ARHGAP39: variants seen among roughly 807,000 people sequenced by gnomAD.
The protein encoded by ARHGAP39 is rho GTPase-activating protein 39.
In ARHGAP39, 44 loss-of-function variants were observed where a neutral mutation model predicts 106.9. The ratio of observed to expected loss-of-function variants is 0.41; its 90% CI spans 0.32 to 0.53. The LOEUF is 0.53. Among genes scored for constraint, ARHGAP39 ranks in the 20% least tolerant of loss-of-function variants. ARHGAP39 has a pLI of 0.21. For synonymous variants in ARHGAP39, 768 were observed against 693.2 expected (o/e 1.11, Z -1.69); for missense variants, 1,496 against 1,577.3 (o/e 0.95, Z 0.87).
chr8:144,647,465 A>G lies in ARHGAP39; in HGVS notation c.-82+38221T>C, dbSNP rs1436818548. On this transcript the variant is annotated intron_variant, in intron 1 of 11. Transcript: ENST00000377307. The surrounding 1 kb of genome is among the most constrained non-coding windows in gnomAD (Gnocchi z 4.8). The stretch of plus-strand genomic sequence containing the variant: ...CTGTGCTCACAATGTCCATGGCCCC[A>G]GAACATTCCCACAAGGAAAGGCTAT... Among the ~76,000 whole-genome samples, 1 of 152,254 alleles carries G rather than the reference A, an allele frequency of 6.6e-6. No individual in the cohort carries two copies. Among genetic ancestry groups the G allele is most frequent in the Admixed American group, 6.5e-5 (1 of 15,284 alleles).
At chr8:144,554,566 G>C (rs576911851) in intron 4 of ARHGAP39, among the ~76,000 whole-genome samples, 1 of 152,302 alleles carries the variant, frequency 6.6e-6, no homozygotes, top group African/African-American at 2.4e-5. Flanking sequence ...CACATGCTGG[G>C]TCCACAGGAA....
In ARHGAP39 at chr8:144,641,295, A is replaced by T. The variant is rs143541445; in HGVS notation, c.-81-35600T>A. ...GGAAAGGAGAGGCAGACGCTATTAA[A>T]TTCTTTATGGAATGAAAATTAACTC... On this transcript the variant is annotated intron_variant, in intron 1 of 11. Coordinates refer to ENST00000377307, the MANE Select transcript of ARHGAP39 (RefSeq NM_025251.3). This position sits in a 1 kb window ranked among gnomAD's most constrained non-coding sequence, Gnocchi z 5.2. Among the ~76,000 whole-genome samples the T allele has an allele frequency of 1.1e-3, 165 of 152,156 alleles. No homozygotes were observed. Among genetic ancestry groups the T allele is most frequent in the African/African-American group, 3.8e-3 (158 of 41,532 alleles).
chr8:144,693,638 G>A, the ARHGAP39 span, among the ~76,000 whole-genome samples: 1 of 152,186 alleles, frequency 6.6e-6, no homozygotes, highest in Non-Finnish European at 1.5e-5. Flanking sequence ...CTCCCAGAGT[G>A]CTGGGATTAC....
chr8:144,629,037 C>T (rs757512403), intron 1 of ARHGAP39, among the ~76,000 whole-genome samples: 15 of 152,224 alleles, frequency 9.9e-5, no homozygotes, highest in Admixed American at 2.0e-4. Context: ...CCTCCCTCCC[C>T]CAAAGGTGTT....
chr8:144,686,886 TGGCGGCG>T (rs1483683005), upstream of ARHGAP39, among the ~76,000 whole-genome samples: 4,551 of 147,910 alleles, frequency 0.031, 1,435 homozygotes, highest in African/African-American at 0.036. Flanking sequence ...GACAACACAC[TGGCGGCG>T]AGCACTTCCC....
At chr8:144,532,226 C>G in intron 10 of ARHGAP39, 79 bp downstream of exon 10, 3 of 1,262,390 alleles carry the variant, frequency 2.4e-6, no homozygotes, top group Non-Finnish European at 1.1e-6. Flanking sequence ...AGGGTGGACC[C>G]CAGAGGCGGA....
intron 3 of ARHGAP39, among the ~76,000 whole-genome samples, chr8:144,577,269 C>T (rs538749417): frequency 4.6e-5 from 7 of 152,250 alleles, no homozygotes; most frequent in South Asian, 2.1e-4. Context: ...CCGGAATACA[C>T]GCTCAGGGCC....
chr8:144,632,367 C>T (rs540880056), intron 1 of ARHGAP39, among the ~76,000 whole-genome samples: 18 of 152,320 alleles, frequency 1.2e-4, no homozygotes, highest in Admixed American at 6.5e-4. Context: ...AGCCTGCAGC[C>T]CCTCTTCCAG....
chr8:144,571,985 A>C (rs2130885398), intron 3 of ARHGAP39, among the ~76,000 whole-genome samples: 1 of 152,366 alleles, frequency 6.6e-6, no homozygotes, highest in Admixed American at 6.5e-5. Context: ...ATAAGAGGAC[A>C]CAAACAAATG....
chr8:144,622,350 C>A (rs962609871), intron 1 of ARHGAP39, among the ~76,000 whole-genome samples: 1 of 152,040 alleles, frequency 6.6e-6, no homozygotes, highest in Non-Finnish European at 1.5e-5. Context: ...ACCCCCATGG[C>A]CATGTCAGCA....
At chr8:144,696,306 T>C in the ARHGAP39 span, among the ~76,000 whole-genome samples, 1 of 147,088 alleles carries the variant, frequency 6.8e-6, no homozygotes, top group Non-Finnish European at 1.5e-5. Flanking sequence ...ACTTGGTTAA[T>C]TTTTGTATGT....
Position 144,533,205 on chromosome 8 carries a change from G to A in ARHGAP39, c.2809C>T (p.Arg937Cys), listed in dbSNP as rs1816800917. Residue 937 changes from arginine (R) to cysteine (C), a missense_variant, in exon 9 of 12, where the codon CGC (arginine) becomes TGC (cysteine). Physicochemically the swap from Arg to Cys is radical, Grantham distance 180. Around this residue, in one of 4 missense-constraint regions of ARHGAP39, gnomAD observed 470 missense variants for 605.1 expected, o/e 0.78. Coordinates refer to ENST00000377307, the MANE Select transcript of ARHGAP39 (RefSeq NM_025251.3). Reference protein sequence around the residue: ...MGMQRERYPERQLPWVQTRLS... With the variant: ...MGMQRERYPECQLPWVQTRLS... ...CGTGTCTGCACCCAGGGCAGCTGGC[G>A]CTCGGGGTAGCGCTCTCTCTGCATG... 1 of 1,612,688 alleles carries A rather than the reference G, an allele frequency of 6.2e-7. No individual in the cohort carries two copies. The highest frequency in any genetic ancestry group is 2.2e-5 in the East Asian group (1 of 44,878).
At chr8:144,583,658 T>C (rs1819082971) in intron 2 of ARHGAP39, among the ~76,000 whole-genome samples, 3 of 152,256 alleles carry the variant, frequency 2.0e-5, no homozygotes, top group Admixed American at 2.0e-4. Flanking sequence ...CCTTGCTGGC[T>C]GGAATTCTAT....
chr8:144,658,857 TA>T (rs1182421754), intron 1 of ARHGAP39, among the ~76,000 whole-genome samples: 7 of 152,160 alleles, frequency 4.6e-5, no homozygotes, highest in African/African-American at 1.7e-4. Flanking sequence ...AAACATTAAA[TA>T]TTAATGTTTA....
At chr8:144,538,224 C>T (rs1817044660) in intron 6 of ARHGAP39, among the ~76,000 whole-genome samples, 1 of 152,254 alleles carries the variant, frequency 6.6e-6, no homozygotes, top group Non-Finnish European at 1.5e-5. Flanking sequence ...GCGAAGGCAG[C>T]TGGCCCCAAG....
chr8:144,632,791 C>G (rs1015709465), intron 1 of ARHGAP39, among the ~76,000 whole-genome samples: 1 of 152,232 alleles, frequency 6.6e-6, no homozygotes, highest in Non-Finnish European at 1.5e-5. Context: ...CCTAATTTCT[C>G]ACAAACCCAA....
chr8:144,620,978 C>A (rs998555415), intron 1 of ARHGAP39, among the ~76,000 whole-genome samples: 1 of 152,276 alleles, frequency 6.6e-6, no homozygotes, highest in African/African-American at 2.4e-5. Context: ...TTGGCAGCCC[C>A]GCTGTCACCA....
At chr8:144,700,133 ACT>A in the ARHGAP39 span, among the ~76,000 whole-genome samples, 2 of 151,172 alleles carry the variant, frequency 1.3e-5, no homozygotes, top group East Asian at 1.9e-4. The surrounding 1 kb of genome is among the most constrained non-coding windows in gnomAD (Gnocchi z 5.6). Flanking sequence ...AACGTTCCAG[ACT>A]CTCGCCGGTC....
chr8:144,659,893 C>G (rs1041952594), intron 1 of ARHGAP39, among the ~76,000 whole-genome samples: 10 of 152,142 alleles, frequency 6.6e-5, no homozygotes, highest in Non-Finnish European at 1.3e-4. Flanking sequence ...TTCCCCCAGT[C>G]TCCGTTATAA....
Sources: gnomAD v4.1 joint callset for allele counts (sites outside exome capture counted in the v4.1 genomes callset) on GRCh38, gnomAD v4.1.1 for gene constraint, gnomAD v4.1.1 regional missense constraint, Gnocchi (gnomAD v3.1) non-coding constraint, MANE v1.5 for transcripts, NCBI Gene and HGNC (gene_info 2026-07-23, HGNC 2026-07-21) for gene names.